The following LGMN variants were observed in gnomAD, a reference collection of about 807,000 sequenced individuals.
LGMN encodes legumain, also known as asparaginyl endopeptidase.
Under a neutral mutation model 56.8 loss-of-function variants are expected in LGMN, and 36 were observed. The ratio of observed to expected loss-of-function variants is 0.63; its 90% CI spans 0.49 to 0.84. The LOEUF (loss-of-function observed/expected upper bound fraction) is 0.84. LGMN is among the 40% of genes least tolerant of loss of function. The pLI is 0.00. For synonymous variants in LGMN, 199 were observed against 210.1 expected (o/e 0.95, Z 0.46); for missense variants, 446 against 556.1 (o/e 0.80, Z 1.99).
intron 7 of LGMN, among the ~76,000 whole-genome samples, chr14:92,713,606 G>C (rs972341766): frequency 6.6e-6 from 1 of 152,164 alleles, no homozygotes; most frequent in African/African-American, 2.4e-5. Context: ...GTCAAACTCT[G>C]GGGGCGAGGC....
chr14:92,717,500 T>C, intron 3 of LGMN, 39 bp from the exon 4 acceptor site: 1 of 1,425,226 alleles, frequency 7.0e-7, no homozygotes, highest in Non-Finnish European at 9.9e-7. Flanking sequence ...AGATGTGGCA[T>C]GCCTCCGAAA....
chr14:92,708,748 T>G (rs1471817668), intron 11 of LGMN, among the ~76,000 whole-genome samples: 2 of 150,572 alleles, frequency 1.3e-5, no homozygotes, highest in Non-Finnish European at 2.9e-5. Context: ...TCCCAGCTAC[T>G]TGGGAGGCTG....
At chr14:92,734,830 A>G (rs1891225240) in intron 1 of LGMN, among the ~76,000 whole-genome samples, 1 of 152,152 alleles carries the variant, frequency 6.6e-6, no homozygotes, top group African/African-American at 2.4e-5. Context: ...TGTGAGGCTG[A>G]CTTCTGTCCC....
At chr14:92,738,301 C>T (rs1481089105) in intron 1 of LGMN, among the ~76,000 whole-genome samples, 1 of 148,430 alleles carries the variant, frequency 6.7e-6, no homozygotes, top group Non-Finnish European at 1.5e-5. Flanking sequence ...TTTTTTGAGA[C>T]AGAGTCTTGC....
At chr14:92,719,366 C>A (rs1479700419) in intron 2 of LGMN, among the ~76,000 whole-genome samples, 1 of 148,770 alleles carries the variant, frequency 6.7e-6, no homozygotes, top group Non-Finnish European at 1.5e-5. Flanking sequence ...AACACCACCA[C>A]CACCACCAAC....
intron 11 of LGMN, among the ~76,000 whole-genome samples, chr14:92,708,144 T>G (rs889319389): frequency 8.9e-6 from 1 of 112,540 alleles, no homozygotes; most frequent in Non-Finnish European, 1.7e-5. Flanking sequence ...AGAGCAGAAC[T>G]CCATCTCAAA....
chr14:92,709,764 C>A lies in LGMN; in HGVS notation c.928G>T (p.Val310Leu). ...TTCCTTTTCATGATGGTGAGAGGCA[C>A]ATCAGGGCTGGGGGTGAGGTCAAGG... ...THLDLTPSPD[V>L]PLTIMKRKLM... Residue 310 changes from valine to leucine, a missense_variant, in exon 11 of 14, where the codon GTG becomes TTG. By Grantham distance (32) the Val-to-Leu change is conservative. Coordinates refer to ENST00000334869, the MANE Select transcript of LGMN (RefSeq NM_005606.7). The A allele has an allele frequency of 6.2e-7, 1 of 1,614,026 alleles. No individual in the cohort carries two copies. Among genetic ancestry groups the A allele is most frequent in the Non-Finnish European group, 8.5e-7 (1 of 1,179,986 alleles).
intron 1 of LGMN, among the ~76,000 whole-genome samples, chr14:92,744,582 A>AATT (rs1891729477): frequency 6.6e-6 from 1 of 151,622 alleles, no homozygotes; most frequent in South Asian, 2.1e-4. Flanking sequence ...TTTTTAAGGA[A>AATT]ATTATCCTTT....
At position 92,722,844 on chromosome 14, in the gene LGMN, T is replaced by C. The variant is rs143581766; in HGVS notation, c.139-4000A>G. Among the ~76,000 whole-genome samples, 33 of 152,274 alleles carry C rather than the reference T, an allele frequency of 2.2e-4. No homozygotes were observed. The Middle Eastern group carries it at 0.01, about 47-fold the overall frequency. On this transcript the variant is annotated intron_variant, in intron 2 of 13. Coordinates refer to ENST00000334869, the MANE Select transcript of LGMN (RefSeq NM_005606.7). Reference sequence around the variant, plus strand: ...TTGTTAGTCAGCACATGAAAAGATGTTCAACATCACCCATCATTAAGAAAT... The same window carrying C: ...TTGTTAGTCAGCACATGAAAAGATGCTCAACATCACCCATCATTAAGAAAT...
rs771176100 is a variant in LGMN at position 92,704,201 on chromosome 14, C to T, written c.*118G>A. On this transcript the variant is annotated 3_prime_UTR_variant, in exon 14 of 14. Coordinates refer to ENST00000334869, the MANE Select transcript of LGMN (RefSeq NM_005606.7). ...GAAGGTCCTGGAGCGAGCCCTGGAG[C>T]GGGGGCTCCCCAGGAGGGCCCGAGC... is the stretch of plus-strand genomic sequence containing the variant. 1.5e-5 allele frequency: 19 copies of T among 1,289,576 alleles called. No homozygotes were observed. The highest frequency in any genetic ancestry group is 2.0e-5 in the Non-Finnish European group (18 of 886,310). 79.9% of individuals were successfully genotyped at this position (1,289,576 alleles called of 1,614,324 possible).
intron 12 of LGMN, among the ~76,000 whole-genome samples, chr14:92,705,251 C>T (rs1889367682): frequency 6.6e-6 from 1 of 152,156 alleles, no homozygotes; most frequent in East Asian, 1.9e-4. Context: ...CTTGTAATCC[C>T]AGCACTGTGG....
At chr14:92,719,278 ACCGCCGCCG>A (rs1225678781) in intron 2 of LGMN, among the ~76,000 whole-genome samples, 2,256 of 55,050 alleles carry the variant, frequency 0.041, 66 homozygotes, top group East Asian at 0.088. Context: ...CGCCGCCGCC[ACCGCCGCCG>A]CCGCCGCCGC....
intron 1 of LGMN, among the ~76,000 whole-genome samples, chr14:92,739,857 C>A (rs1173437696): frequency 6.6e-6 from 1 of 152,186 alleles, no homozygotes; most frequent in African/African-American, 2.4e-5. Flanking sequence ...CTGGAAAGAT[C>A]TCCCCCAGGG....
In LGMN at chr14:92,703,852, C is replaced by A; in HGVS notation, c.*467G>T. On this transcript the variant is annotated 3_prime_UTR_variant, in exon 14 of 14. Transcript: ENST00000334869. ...TCTTTATTTTTTAAGACTTGAACAC[C>A]TGCAGAATTAAATACAAAAGCAATC... 1 of 361,034 alleles carries A rather than the reference C, an allele frequency of 2.8e-6. No homozygotes were observed. Among genetic ancestry groups the A allele is most frequent in the Non-Finnish European group, 5.1e-6 (1 of 194,690 alleles). 22.4% of individuals were successfully genotyped at this position (361,034 alleles called of 1,614,324 possible).
intron 1 of LGMN, among the ~76,000 whole-genome samples, chr14:92,742,658 G>A (rs1028046145): frequency 6.6e-6 from 1 of 152,160 alleles, no homozygotes; most frequent in African/African-American, 2.4e-5. Context: ...CTACTTAGGA[G>A]GCTGAGGTAG....
At chr14:92,705,696 C>T (rs776341470) in intron 12 of LGMN, among the ~76,000 whole-genome samples, 9 of 151,942 alleles carry the variant, frequency 5.9e-5, no homozygotes, top group South Asian at 2.1e-4. Context: ...GGCACAATCT[C>T]GGCTCATTGC....
intron 12 of LGMN, among the ~76,000 whole-genome samples, chr14:92,705,931 A>G (rs908612754): frequency 4.6e-5 from 7 of 152,140 alleles, no homozygotes; most frequent in African/African-American, 1.2e-4. Context: ...CCCGGCCCCA[A>G]TAAAACTTTA....
In LGMN at chr14:92,706,478, C is replaced by T; in HGVS notation, c.1191+5G>A. 1 of 1,517,826 alleles carries T rather than the reference C, an allele frequency of 6.6e-7. No homozygotes were observed. Among genetic ancestry groups the T allele is most frequent in the Admixed American group, 2.0e-5 (1 of 50,882 alleles). The allele number at this position is 1,517,826 out of a possible 1,614,324, so 94.0% of individuals were successfully genotyped here. A position where few individuals can be genotyped will look rare whatever the true frequency, so the allele number is the denominator to read the frequency against. On this transcript the variant is annotated splice_donor_5th_base_variant and intron_variant, in intron 12 of 13. Transcript: ENST00000334869. ...TCTGGTCATGGGGAGAGCCTGCTGG[C>T]TCACCGTGGGGGAGTGCCAGTTGAA...
chr14:92,737,574 G>A (rs142518587), intron 1 of LGMN, among the ~76,000 whole-genome samples: 1 of 152,318 alleles, frequency 6.6e-6, no homozygotes, highest in Non-Finnish European at 1.5e-5. Flanking sequence ...ACCCCACCTT[G>A]CTTGCTTCCT....
Sources: gnomAD v4.1 joint callset for allele counts (sites outside exome capture counted in the v4.1 genomes callset) on GRCh38, gnomAD v4.1.1 for gene constraint, MANE v1.5 for transcripts, NCBI Gene and HGNC (gene_info 2026-07-23, HGNC 2026-07-21) for gene names.